NOVA1: variants seen among roughly 807,000 people sequenced by gnomAD.
NOVA1 encodes RNA-binding protein Nova-1.
In NOVA1, 7 loss-of-function variants were observed where a neutral mutation model predicts 38.0. The observed-to-expected ratio is 0.18, with a 90% confidence interval of 0.10 to 0.35. The LOEUF (loss-of-function observed/expected upper bound fraction) is 0.35. Ranked by LOEUF, NOVA1 falls within the 10% of genes least tolerant of loss-of-function variation. The pLI, the probability that NOVA1 is intolerant of heterozygous loss-of-function variation, is 1.00. For missense variants in NOVA1, 460 were observed against 616.0 expected, an observed-to-expected ratio of 0.75 and a Z score of 2.68; for synonymous variants, 270 against 232.5, an observed-to-expected ratio of 1.16 and a Z score of -1.47.
At chr14:26,464,330 T>TAG (rs1457130336) in intron 4 of NOVA1, among the ~76,000 whole-genome samples, 2 of 152,218 alleles carry the variant, frequency 1.3e-5, no homozygotes, top group East Asian at 3.8e-4. Context: ...ATACCACTGT[T>TAG]ACAGTTGCCT....
chr14:26,487,542 A>T (rs1177047878), intron 2 of NOVA1, among the ~76,000 whole-genome samples: 1 of 152,136 alleles, frequency 6.6e-6, no homozygotes, highest in East Asian at 1.9e-4. Context: ...ATGTATGGAA[A>T]TGGAAGCAAC....
chr14:26,582,863 A>G (rs1893305643), intron 2 of NOVA1, among the ~76,000 whole-genome samples: 1 of 151,766 alleles, frequency 6.6e-6, no homozygotes, highest in East Asian at 1.9e-4. Context: ...TTCCACTGTA[A>G]AATTACTAAT....
intron 2 of NOVA1, among the ~76,000 whole-genome samples, chr14:26,576,417 C>T (rs12879163): frequency 2.7e-5 from 4 of 150,862 alleles, no homozygotes; most frequent in African/African-American, 9.7e-5. Context: ...GAGGAAACTC[C>T]CAGCTGACAG....
intron 2 of NOVA1, chr14:26,594,662 A>G (rs1894068459): frequency 6.6e-6 from 1 of 152,092 alleles, no homozygotes; most frequent in South Asian, 2.1e-4. Context: ...AGAAAAAAAT[A>G]GAAAAAGATG....
At chr14:26,451,144 T>C (rs1882635619) in intron 4 of NOVA1, among the ~76,000 whole-genome samples, 1 of 152,156 alleles carries the variant, frequency 6.6e-6, no homozygotes, top group South Asian at 2.1e-4. Context: ...ATTCACTCTA[T>C]GAAATGTGTG....
At chr14:26,496,758 C>T (rs1886830532) in intron 2 of NOVA1, among the ~76,000 whole-genome samples, 2 of 152,142 alleles carry the variant, frequency 1.3e-5, no homozygotes, top group Non-Finnish European at 2.9e-5. Flanking sequence ...GAAACCCTTT[C>T]CCCATTGCTT....
At chr14:26,475,603 CATAAT>C (rs1198382551) in intron 3 of NOVA1, among the ~76,000 whole-genome samples, 7 of 152,102 alleles carry the variant, frequency 4.6e-5, no homozygotes, top group African/African-American at 1.4e-4. Context: ...AACGGAAAAG[CATAAT>C]ATATATTTTA....
chr14:26,501,083 T>C (rs375016818), intron 2 of NOVA1, among the ~76,000 whole-genome samples: 4 of 152,038 alleles, frequency 2.6e-5, no homozygotes, highest in Admixed American at 1.3e-4. Context: ...TATTATTTTA[T>C]AGAGCATCTT....
chr14:26,469,748 C>T (rs190813316), intron 4 of NOVA1, among the ~76,000 whole-genome samples: 34 of 152,168 alleles, frequency 2.2e-4, no homozygotes, highest in Non-Finnish European at 4.0e-4. Context: ...GCCACCATGC[C>T]CAGTTAATTT....
chr14:26,536,289 AT>A (rs1890094212), intron 2 of NOVA1, among the ~76,000 whole-genome samples: 1 of 152,070 alleles, frequency 6.6e-6, no homozygotes, highest in Admixed American at 6.5e-5. Context: ...AAGACCTACT[AT>A]TTGATAGTAT....
intron 1 of NOVA1, 65 bp downstream of exon 1, chr14:26,597,236 G>A: frequency 8.5e-7 from 1 of 1,182,174 alleles, no homozygotes; most frequent in Non-Finnish European, 1.1e-6. Context: ...GGAGGACGGC[G>A]AGGGAGGGAG....
chr14:26,489,562 T>C (rs1886171557), intron 2 of NOVA1, among the ~76,000 whole-genome samples: 1 of 151,872 alleles, frequency 6.6e-6, no homozygotes, highest in African/African-American at 2.4e-5. Flanking sequence ...TTTAGGATGC[T>C]AAGATAATAG....
chr14:26,596,611 C>A (rs1894208136), intron 1 of NOVA1: 1 of 1,288,968 alleles, frequency 7.8e-7, no homozygotes, highest in Admixed American at 2.3e-5. Context: ...TAAGATGATT[C>A]CAGTGCAAAT....
Position 26,445,385 on chromosome 14 carries a change from C to T in NOVA1, c.*2574G>A, listed in dbSNP as rs996373953. 8 of 152,020 alleles carry T rather than the reference C, an allele frequency of 5.3e-5. No homozygotes were observed. Among genetic ancestry groups the T allele is most frequent in the African/African-American group, 1.9e-4 (8 of 41,386 alleles). The allele number at this position is 152,020 out of a possible 1,614,324, so 9.4% of individuals were successfully genotyped here. ...TGATTTACACATAATGCATACAAAC[C>T]CTTATCTGTCACCATAAATTAAAAT... On this transcript the variant is annotated 3_prime_UTR_variant, in exon 5 of 5. Coordinates refer to ENST00000539517, the MANE Select transcript of NOVA1 (RefSeq NM_002515.3).
Position 26,472,410 on chromosome 14 carries a change from C to A in NOVA1, c.448-19G>T. The A allele has an allele frequency of 7.1e-7, 1 of 1,399,674 alleles. No homozygotes were observed. 86.7% of individuals were successfully genotyped at this position (1,399,674 alleles called of 1,614,324 possible). A position where few individuals can be genotyped will look rare whatever the true frequency, so the allele number is the denominator to read the frequency against. Reference sequence around the variant, plus strand: ...GCAATGTCTGGGAAACAAAGCAGTTCAGGAGCAAATCAACCTTTATAAGCC... The same window carrying A: ...GCAATGTCTGGGAAACAAAGCAGTTAAGGAGCAAATCAACCTTTATAAGCC... On this transcript the variant is annotated intron_variant, in intron 3 of 4. Coordinates refer to ENST00000539517, the MANE Select transcript of NOVA1 (RefSeq NM_002515.3).
intron 2 of NOVA1, among the ~76,000 whole-genome samples, chr14:26,583,881 TCACA>T (rs36218600): frequency 0.018 from 2,651 of 146,000 alleles, 54 homozygotes; most frequent in Middle Eastern, 0.089. Flanking sequence ...AGCATCAAAT[TCACA>T]CACACACACA....
At chr14:26,507,166 C>T (rs1887699005) in intron 2 of NOVA1, among the ~76,000 whole-genome samples, 1 of 151,794 alleles carries the variant, frequency 6.6e-6, no homozygotes, top group Non-Finnish European at 1.5e-5. Flanking sequence ...GCACTTAGCA[C>T]AATTCTCGAA....
At chr14:26,488,077 T>G (rs1273981763) in intron 2 of NOVA1, among the ~76,000 whole-genome samples, 1 of 152,152 alleles carries the variant, frequency 6.6e-6, no homozygotes, top group Non-Finnish European at 1.5e-5. Flanking sequence ...TCATAGGAAT[T>G]GACATCTTAT....
At chr14:26,504,459 C>G (rs930057047) in intron 2 of NOVA1, among the ~76,000 whole-genome samples, 3 of 152,076 alleles carry the variant, frequency 2.0e-5, no homozygotes, top group Non-Finnish European at 4.4e-5. Context: ...TATCTCTTCC[C>G]TTTTTGTCTC....
Sources: allele counts gnomAD v4.1 joint callset (sites outside exome capture counted in the v4.1 genomes callset), GRCh38; gene constraint gnomAD v4.1.1; transcripts MANE v1.5; gene names NCBI Gene and HGNC (gene_info 2026-07-23, HGNC 2026-07-21).